Variants in ZSWIM6 observed in about 807,000 individuals in gnomAD.
ZSWIM6 encodes zinc finger SWIM domain-containing protein 6.
In ZSWIM6, 9 loss-of-function variants were observed where a neutral mutation model predicts 113.2. That is an observed-to-expected ratio of 0.08 (90% CI 0.05 to 0.14). The LOEUF (loss-of-function observed/expected upper bound fraction) is 0.14. ZSWIM6 is among the 10% of genes least tolerant of loss of function. ZSWIM6 has a pLI of 1.00. For missense variants in ZSWIM6, 1,162 were observed against 1,552.2 expected, an observed-to-expected ratio of 0.75 and a Z score of 4.22; for synonymous variants, 611 against 606.5, an observed-to-expected ratio of 1.01 and a Z score of -0.11.
intron 1 of ZSWIM6, among the ~76,000 whole-genome samples, chr5:61,466,354 T>TG (rs1026884401): frequency 1.8e-4 from 28 of 152,308 alleles, no homozygotes; most frequent in Non-Finnish European, 2.4e-4. Context: ...TTTTTAGACT[T>TG]GCCTTTAAAA....
intron 1 of ZSWIM6, among the ~76,000 whole-genome samples, chr5:61,434,662 A>G (rs770288322): frequency 3.3e-5 from 5 of 152,164 alleles, no homozygotes; most frequent in Non-Finnish European, 7.4e-5. Context: ...TGGTGTCTAT[A>G]TACCACATTT....
rs1369760345 is a variant in ZSWIM6 at position 61,497,201 on chromosome 5, GC to G, written c.1333+2792del. Among the ~76,000 whole-genome samples the G allele has an allele frequency of 3.9e-5, 6 of 152,116 alleles. No homozygotes were observed. In the East Asian group the frequency reaches 1.2e-3, roughly 29 times the overall value. On this transcript the variant is annotated intron_variant, in intron 4 of 13. Coordinates refer to ENST00000252744, the MANE Select transcript of ZSWIM6 (RefSeq NM_020928.2). ...GCTAGCCAAGTAACTCTGCTTCTTGGCAGATGGATTTGGAGCCATCAGATTG... is the reference window on the plus strand; with the variant it reads ...GCTAGCCAAGTAACTCTGCTTCTTGGAGATGGATTTGGAGCCATCAGATTG...
At chr5:61,513,657 A>G (rs1748850689) in intron 4 of ZSWIM6, among the ~76,000 whole-genome samples, 1 of 152,046 alleles carries the variant, frequency 6.6e-6, no homozygotes, top group Non-Finnish European at 1.5e-5. Context: ...TATAAAGTAT[A>G]TAATATGGAT....
intron 1 of ZSWIM6, among the ~76,000 whole-genome samples, chr5:61,438,274 G>T (rs1306238490): frequency 1.3e-5 from 2 of 152,138 alleles, no homozygotes; most frequent in Admixed American, 1.3e-4. Flanking sequence ...AGATTTCCCA[G>T]TAAAAGAACA....
At chr5:61,392,587 A>G (rs1432695063) in intron 1 of ZSWIM6, among the ~76,000 whole-genome samples, 1 of 152,178 alleles carries the variant, frequency 6.6e-6, no homozygotes, top group Non-Finnish European at 1.5e-5. Flanking sequence ...AAAGTTATAT[A>G]ACTTCACATT....
chr5:61,526,652 T>C (rs1349084508), intron 7 of ZSWIM6, among the ~76,000 whole-genome samples: 1 of 152,148 alleles, frequency 6.6e-6, no homozygotes, highest in Non-Finnish European at 1.5e-5. Context: ...CTTTATTGTT[T>C]TAATGACTAT....
At chr5:61,368,960 T>C (rs1333709622) in intron 1 of ZSWIM6, among the ~76,000 whole-genome samples, 1 of 152,252 alleles carries the variant, frequency 6.6e-6, no homozygotes, top group Non-Finnish European at 1.5e-5. Context: ...AAAAGGCTTC[T>C]TTGAATATGA....
At chr5:61,453,986 TAG>T (rs2112160535) in intron 1 of ZSWIM6, among the ~76,000 whole-genome samples, 1 of 152,220 alleles carries the variant, frequency 6.6e-6, no homozygotes, top group African/African-American at 2.4e-5. Flanking sequence ...TTCTAATGAT[TAG>T]TTTTATTTCC....
intron 4 of ZSWIM6, among the ~76,000 whole-genome samples, chr5:61,513,895 C>T (rs542461634): frequency 6.6e-6 from 1 of 152,064 alleles, no homozygotes; most frequent in South Asian, 2.1e-4. Context: ...TGTCTTTGTC[C>T]TTCTTACAAC....
intron 4 of ZSWIM6, among the ~76,000 whole-genome samples, chr5:61,500,900 A>G (rs1748448276): frequency 6.6e-6 from 1 of 152,040 alleles, no homozygotes; most frequent in Admixed American, 6.6e-5. Context: ...TAATGACCAC[A>G]GAGTTGCCAG....
intron 1 of ZSWIM6, among the ~76,000 whole-genome samples, chr5:61,408,810 A>T (rs1561225967): frequency 6.6e-6 from 1 of 152,192 alleles, no homozygotes; most frequent in Non-Finnish European, 1.5e-5. Flanking sequence ...GGTTTGTCTG[A>T]ACTGTTTAGG....
At chr5:61,518,686 T>C (rs1490494692) in intron 4 of ZSWIM6, among the ~76,000 whole-genome samples, 1 of 152,066 alleles carries the variant, frequency 6.6e-6, no homozygotes, top group Non-Finnish European at 1.5e-5. Flanking sequence ...TTCTGGATAT[T>C]AGCCCTTTGT....
chr5:61,332,359 C>G lies in ZSWIM6; in HGVS notation c.87C>G (p.Gly29=). 3.0e-6 allele frequency: 3 copies of G among 1,003,306 alleles called. No individual in the cohort carries two copies. Among genetic ancestry groups the G allele is most frequent in the Non-Finnish European group, 3.6e-6 (3 of 838,384 alleles). The allele number at this position is 1,003,306 out of a possible 1,614,324, so 62.2% of individuals were successfully genotyped here. A position where few individuals can be genotyped will look rare whatever the true frequency, so the allele number is the denominator to read the frequency against. ...GGGGGGGGSS[G]GGGGAGGGYS... ...GCGGCGGCGGCGGGGGCAGCAGCGG[C>G]GGCGGCGGCGGCGCGGGTGGCGGCT... Residue 29 remains glycine (G), a synonymous_variant, in exon 1 of 14, where the codon GGC becomes GGG. Coordinates refer to ENST00000252744, the MANE Select transcript of ZSWIM6 (RefSeq NM_020928.2).
At chr5:61,536,962 A>T (rs1292728828) in intron 10 of ZSWIM6, among the ~76,000 whole-genome samples, 1 of 152,120 alleles carries the variant, frequency 6.6e-6, no homozygotes, top group African/African-American at 2.4e-5. Context: ...GTGGGTTCCT[A>T]TTTTTATTTT....
At chr5:61,448,363 G>A (rs1232422008) in intron 1 of ZSWIM6, among the ~76,000 whole-genome samples, 1 of 152,156 alleles carries the variant, frequency 6.6e-6, no homozygotes, top group African/African-American at 2.4e-5. Context: ...TGTGGGTCAA[G>A]TGAGATCATA....
At chr5:61,402,607 C>G (rs1358200414) in intron 1 of ZSWIM6, among the ~76,000 whole-genome samples, 1 of 151,934 alleles carries the variant, frequency 6.6e-6, no homozygotes, top group Non-Finnish European at 1.5e-5. Context: ...GACTAACTTT[C>G]TTCAGAGAAT....
At chr5:61,415,154 G>A (rs1293618506) in intron 1 of ZSWIM6, among the ~76,000 whole-genome samples, 1 of 152,270 alleles carries the variant, frequency 6.6e-6, no homozygotes, top group Non-Finnish European at 1.5e-5. Flanking sequence ...CAGTCTTTTC[G>A]GGAATGTGGT....
At chr5:61,527,609 G>T (rs1007009692) in intron 7 of ZSWIM6, among the ~76,000 whole-genome samples, 3 of 152,094 alleles carry the variant, frequency 2.0e-5, no homozygotes, top group Non-Finnish European at 4.4e-5. Flanking sequence ...TACATTGCTA[G>T]GTACTTTGGA....
intron 1 of ZSWIM6, among the ~76,000 whole-genome samples, chr5:61,427,580 C>G (rs563267118): frequency 2.0e-5 from 3 of 152,032 alleles, no homozygotes; most frequent in Admixed American, 6.6e-5. Flanking sequence ...ATGAGATCCA[C>G]AGATCCTCCT....
Sources: allele counts gnomAD v4.1 joint callset (sites outside exome capture counted in the v4.1 genomes callset), GRCh38; gene constraint gnomAD v4.1.1; transcripts MANE v1.5; gene names NCBI Gene and HGNC (gene_info 2026-07-23, HGNC 2026-07-21).